The following RAD51B variants were observed in gnomAD, a reference collection of about 807,000 sequenced individuals.
The protein encoded by RAD51B is RAD51 paralog B.
A neutral mutation model predicts 42.2 loss-of-function variants in RAD51B; 38 were observed. The ratio of observed to expected loss-of-function variants is 0.90; its 90% CI spans 0.70 to 1.18. RAD51B has a LOEUF of 1.18. Among genes scored for constraint, RAD51B ranks in the 50% most tolerant of loss-of-function variants. The probability of loss-of-function intolerance (pLI) is 0.00; values close to 1 mark genes in which losing one functional copy is unlikely to be tolerated. For synonymous variants in RAD51B, 154 were observed against 145.2 expected, an observed-to-expected ratio of 1.06 and a Z score of -0.43; for missense variants, 373 against 400.7, an observed-to-expected ratio of 0.93 and a Z score of 0.59.
At chr14:68,111,114 G>T (rs984106321) in intron 7 of RAD51B, among the ~76,000 whole-genome samples, 4 of 151,960 alleles carry the variant, frequency 2.6e-5, no homozygotes, top group African/African-American at 9.7e-5. Flanking sequence ...CATTGTAGGG[G>T]GTGGACCAAG....
intron 8 of RAD51B, among the ~76,000 whole-genome samples, chr14:68,378,844 C>G (rs745716647): frequency 2.0e-5 from 3 of 151,934 alleles, no homozygotes; most frequent in Non-Finnish European, 1.5e-5. Context: ...TTGCAGAATG[C>G]TCTCATATAC....
At chr14:68,071,074 T>C (rs2076733293) in intron 7 of RAD51B, among the ~76,000 whole-genome samples, 1 of 152,162 alleles carries the variant, frequency 6.6e-6, no homozygotes, top group Non-Finnish European at 1.5e-5. Context: ...TTGATTTGGC[T>C]CTCAGCTTGG....
chr14:68,427,417 A>G (rs911710128), intron 9 of RAD51B, among the ~76,000 whole-genome samples: 3 of 152,210 alleles, frequency 2.0e-5, no homozygotes, highest in African/African-American at 7.2e-5. Context: ...GAGCTTCCCA[A>G]GGTCTTCTGG....
Position 68,103,166 on chromosome 14 carries a change from A to AC in RAD51B, c.757-188713dup, listed in dbSNP as rs566765288. Among the ~76,000 whole-genome samples, 32 of 152,184 alleles carry AC rather than the reference A, an allele frequency of 2.1e-4. No individual in the cohort carries two copies. The East Asian group carries it at 6.0e-3, about 28-fold the overall frequency. ...GGTGGGCACACAGCCAAACCAGTCA[A>AC]CCCCCACACCAATGCATGTCTTTTG... On this transcript the variant is annotated intron_variant, in intron 7 of 10. Transcript: ENST00000471583.
At chr14:68,230,496 G>T (rs139189166) in intron 7 of RAD51B, among the ~76,000 whole-genome samples, 1 of 152,156 alleles carries the variant, frequency 6.6e-6, no homozygotes, top group Admixed American at 6.5e-5. Context: ...AGCCAGGGAA[G>T]GCCCTGTACC....
intron 7 of RAD51B, among the ~76,000 whole-genome samples, chr14:68,136,599 A>AAAAAAAAAG (rs2078018468): frequency 1.6e-5 from 1 of 62,336 alleles, no homozygotes; most frequent in African/African-American, 3.4e-5. Context: ...AAAAAAAAAA[A>AAAAAAAAAG]AAGAAGTAGA....
intron 9 of RAD51B, among the ~76,000 whole-genome samples, chr14:68,465,478 C>G (rs1009181174): frequency 1.3e-5 from 2 of 152,204 alleles, no homozygotes; most frequent in Non-Finnish European, 2.9e-5. Context: ...ATCATCGTCT[C>G]TTGGGAGCCT....
intron 8 of RAD51B, among the ~76,000 whole-genome samples, chr14:68,402,402 G>C (rs1021829040): frequency 6.6e-6 from 1 of 152,176 alleles, no homozygotes; most frequent in Non-Finnish European, 1.5e-5. Context: ...GCAAGTGCCA[G>C]GGGCCTAGTT....
At chr14:68,668,363 C>T (rs1893076272) in intron 11 of RAD51B, among the ~76,000 whole-genome samples, 1 of 152,172 alleles carries the variant, frequency 6.6e-6, no homozygotes, top group Admixed American at 6.5e-5. Flanking sequence ...GCTGATGACT[C>T]CAGGTCAAAG....
chr14:68,085,998 G>A (rs1035592257), intron 7 of RAD51B, among the ~76,000 whole-genome samples: 1 of 152,156 alleles, frequency 6.6e-6, no homozygotes, highest in Non-Finnish European at 1.5e-5. Flanking sequence ...GTCTGTAGGC[G>A]GCTTCTGTTA....
Position 68,421,113 on chromosome 14 carries a change from GCTT to G in RAD51B, c.957+9593_957+9595del, listed in dbSNP as rs2084688294. Reference sequence around the variant, plus strand: ...GAACATGAAAGCAGTGAGATGAGGAGCTTCTTCTTGCTTTTTTTCTCTTGCTCT... The same window carrying G: ...GAACATGAAAGCAGTGAGATGAGGAGCTTCTTGCTTTTTTTCTCTTGCTCT... On this transcript the variant is annotated intron_variant, in intron 9 of 10. Transcript: ENST00000471583. Among the ~76,000 whole-genome samples the G allele has an allele frequency of 2.6e-5, 4 of 152,316 alleles. No individual in the cohort carries two copies. In the South Asian group the frequency reaches 8.3e-4, roughly 32 times the overall value.
chr14:67,899,851 G>A (rs2043550426), intron 7 of RAD51B, among the ~76,000 whole-genome samples: 1 of 152,292 alleles, frequency 6.6e-6, no homozygotes, highest in African/African-American at 2.4e-5. Flanking sequence ...GGCTTATAGA[G>A]GTTAAATAAC....
intron 9 of RAD51B, among the ~76,000 whole-genome samples, chr14:68,444,832 C>G (rs2085385401): frequency 6.6e-6 from 1 of 152,148 alleles, no homozygotes; most frequent in Non-Finnish European, 1.5e-5. Flanking sequence ...GTTTTTACCC[C>G]TTAATAATGA....
intron 10 of RAD51B, among the ~76,000 whole-genome samples, chr14:68,642,781 C>A (rs1325115220): frequency 6.6e-6 from 1 of 152,174 alleles, no homozygotes; most frequent in African/African-American, 2.4e-5. Context: ...CTGCATCCCA[C>A]AAATTTTGTT....
chr14:68,486,449 C>T (rs1174042564), intron 10 of RAD51B, among the ~76,000 whole-genome samples: 1 of 152,204 alleles, frequency 6.6e-6, no homozygotes, highest in East Asian at 1.9e-4. Flanking sequence ...CCAAACCCCA[C>T]AGTCATTACC....
At chr14:68,417,037 G>A (rs1223737442) in intron 9 of RAD51B, among the ~76,000 whole-genome samples, 3 of 152,098 alleles carry the variant, frequency 2.0e-5, no homozygotes, top group Admixed American at 2.0e-4. Context: ...AGCATGTCAG[G>A]CTTATATTCA....
chr14:67,925,148 G>T (rs1210448670), intron 7 of RAD51B, among the ~76,000 whole-genome samples: 1 of 152,216 alleles, frequency 6.6e-6, no homozygotes, highest in Non-Finnish European at 1.5e-5. Context: ...GGTTCCCATG[G>T]TCTTGGGCAG....
intron 4 of RAD51B, chr14:67,843,637 G>A (rs1198270825): frequency 6.6e-6 from 1 of 151,924 alleles, no homozygotes; most frequent in African/African-American, 2.4e-5. Context: ...TCTAGTTAGT[G>A]TACATAGAGG....
At chr14:68,363,366 T>A (rs2083071007) in intron 8 of RAD51B, among the ~76,000 whole-genome samples, 1 of 152,244 alleles carries the variant, frequency 6.6e-6, no homozygotes, top group Non-Finnish European at 1.5e-5. Context: ...CCCATTTCCA[T>A]AGAAAATATA....
Sources: gnomAD v4.1 joint callset for allele counts (sites outside exome capture counted in the v4.1 genomes callset) on GRCh38, gnomAD v4.1.1 for gene constraint, MANE v1.5 for transcripts, NCBI Gene and HGNC (gene_info 2026-07-23, HGNC 2026-07-21) for gene names.